Variants in TP73 observed in about 807,000 individuals in gnomAD.
The protein encoded by TP73 is tumor protein p73, also known as p53-like transcription factor.
A neutral mutation model predicts 62.5 loss-of-function variants in TP73; 25 were observed. The ratio of observed to expected loss-of-function variants is 0.40; its 90% CI spans 0.29 to 0.56. The LOEUF (loss-of-function observed/expected upper bound fraction) is 0.56, where lower values mean the gene tolerates loss of function less well. Among genes scored for constraint, TP73 ranks in the 20% least tolerant of loss-of-function variants. TP73 has a pLI of 0.46. For missense variants in TP73, 754 were observed against 913.3 expected, an observed-to-expected ratio of 0.83 and a Z score of 2.25; for synonymous variants, 423 against 377.5, an observed-to-expected ratio of 1.12 and a Z score of -1.40.
intron 1 of TP73, among the ~76,000 whole-genome samples, chr1:3,657,685 A>G (rs376900169): frequency 3.9e-5 from 6 of 152,212 alleles, no homozygotes; most frequent in Admixed American, 2.6e-4. Context: ...AACCTGGTCT[A>G]AGCCACGCCC....
intron 4 of TP73, among the ~76,000 whole-genome samples, chr1:3,711,831 TGCGCGA>T (rs1640165112): frequency 7.3e-6 from 1 of 137,758 alleles, no homozygotes; most frequent in Non-Finnish European, 1.6e-5. Context: ...CGTGTGTGTG[TGCGCGA>T]GCGTGTGTAT....
intron 3 of TP73, among the ~76,000 whole-genome samples, chr1:3,688,488 C>G (rs934406972): frequency 3.3e-5 from 5 of 152,224 alleles, no homozygotes; most frequent in African/African-American, 4.8e-5. Context: ...TCGTTCCCCC[C>G]TGTCCTGCGG....
chr1:3,716,680 C>G (rs2124449506), intron 4 of TP73, among the ~76,000 whole-genome samples: 1 of 152,296 alleles, frequency 6.6e-6, no homozygotes, highest in African/African-American at 2.4e-5. Context: ...GGGGCTGTCA[C>G]CAAGGGGGCC....
At chr1:3,652,868 G>T (rs1644785149) in intron 1 of TP73, 2 of 152,348 alleles carry the variant, frequency 1.3e-5, no homozygotes. Flanking sequence ...GCGAGGAGAC[G>T]CGGGTCCTGC....
chr1:3,723,320 T>C (rs149926186), intron 5 of TP73, 34 bp from the exon 6 acceptor site: 19,780 of 1,581,032 alleles, frequency 0.013, 171 homozygotes, highest in Non-Finnish European at 0.014. Flanking sequence ...GGCACCTCTA[T>C]GCACCTCTCT....
chr1:3,661,152 T>C (rs1454822334), intron 1 of TP73, among the ~76,000 whole-genome samples: 1 of 152,182 alleles, frequency 6.6e-6, no homozygotes, highest in Admixed American at 6.5e-5. Context: ...ATTGGCAAAA[T>C]AATCTATGTT....
chr1:3,666,413 G>C lies in TP73; in HGVS notation c.-34+13772G>C, dbSNP rs1181343259. On this transcript the variant is annotated intron_variant, in intron 1 of 13. Transcript: ENST00000378295. The surrounding 1 kb of genome is among the most constrained non-coding windows in gnomAD (Gnocchi z 6.4). ...GTGCCTGGTGCAGAGTAAGCTGTGT[G>C]TTGGTGGGGTGTAATTATGGGTCAT... 1.3e-5 allele frequency among the ~76,000 whole-genome samples: 2 copies of C among 152,230 alleles called. No individual in the cohort carries two copies. Among genetic ancestry groups the C allele is most frequent in the Non-Finnish European group, 2.9e-5 (2 of 68,038 alleles).
Position 3,736,023 on chromosome 1 carries a change from A to G in TP73, c.*2944A>G, listed in dbSNP as rs1412273958. 6.6e-6 allele frequency: 1 copy of G among 152,278 alleles called. No individual in the cohort carries two copies. The highest frequency in any genetic ancestry group is 1.5e-5 in the Non-Finnish European group (1 of 68,052). The allele number at this position is 152,278 out of a possible 1,614,324, so 9.4% of individuals were successfully genotyped here. The stretch of plus-strand genomic sequence containing the variant: ...ACTTTAATGCTTTAAGGTGAAAACG[A>G]AATCCCATCCGTGTTTTTCGTGTAA... On this transcript the variant is annotated 3_prime_UTR_variant, in exon 14 of 14. Coordinates refer to ENST00000378295, the MANE Select transcript of TP73 (RefSeq NM_005427.4).
chr1:3,706,024 T>C (rs1171003331), intron 3 of TP73, among the ~76,000 whole-genome samples: 1 of 152,084 alleles, frequency 6.6e-6, no homozygotes. Context: ...GTTTTTTGGA[T>C]TGGAGGGGGC....
At chr1:3,712,155 C>A (rs1048344791) in intron 4 of TP73, 5 of 152,210 alleles carry the variant, frequency 3.3e-5, no homozygotes, top group Admixed American at 3.3e-4. Flanking sequence ...GAATTAATAC[C>A]TTTTACTGGC....
chr1:3,683,974 A>G (rs1016226047), intron 3 of TP73, among the ~76,000 whole-genome samples: 16 of 152,224 alleles, frequency 1.1e-4, no homozygotes, highest in African/African-American at 3.4e-4. Flanking sequence ...CATTCCTGGG[A>G]GTCTCAAGCC....
intron 1 of TP73, among the ~76,000 whole-genome samples, chr1:3,664,219 T>C (rs755159): frequency 0.27 from 40,590 of 152,178 alleles, 5,685 homozygotes; most frequent in East Asian, 0.36. Flanking sequence ...CCGGCAGGGC[T>C]TCCACCCAGC....
intron 1 of TP73, among the ~76,000 whole-genome samples, chr1:3,665,199 C>G (rs1645083926): frequency 6.6e-6 from 1 of 152,090 alleles, no homozygotes; most frequent in Non-Finnish European, 1.5e-5. Context: ...GAGGCATGCT[C>G]CAACTTGCTT....
At position 3,733,077 on chromosome 1, in the gene TP73, T is replaced by C; in HGVS notation, c.1909T>C (p.Ter637ArgextTer66). The C allele has an allele frequency of 6.5e-7, 1 of 1,531,160 alleles. No homozygotes were observed. Among genetic ancestry groups the C allele is most frequent in the Non-Finnish European group, 8.8e-7 (1 of 1,142,414 alleles). The allele number at this position is 1,531,160 out of a possible 1,614,324, so 94.8% of individuals were successfully genotyped here. ...GGAGTTCACGGAGGCCGAGATCCAC[T>C]GAGGGCCTCGCCTGGCTGCAGCCTG... ...KEEFTEAEIH[*>R] Residue 637 changes from the stop codon to arginine, a stop_lost, in exon 14 of 14, where the codon TGA becomes CGA. Transcript: ENST00000378295.
In TP73 at chr1:3,730,924, C is replaced by G. The variant is rs1356429949; in HGVS notation, c.1346-3C>G. On this transcript the variant is annotated splice_polypyrimidine_tract_variant and splice_region_variant and intron_variant, in intron 11 of 13. Transcript: ENST00000378295. The stretch of plus-strand genomic sequence containing the variant: ...CTGATGGCCCCACCTGCCTCTCACC[C>G]AGGCCCCGGGATGCTCAACAACCAT... 1 of 1,599,506 alleles carries G rather than the reference C, an allele frequency of 6.3e-7. No individual in the cohort carries two copies.
chr1:3,688,461 C>T (rs181120571), intron 3 of TP73, among the ~76,000 whole-genome samples: 8 of 152,268 alleles, frequency 5.3e-5, no homozygotes, highest in Non-Finnish European at 1.0e-4. Context: ...TGAAGAGTGC[C>T]GTGGCCTGCG....
At chr1:3,668,301 T>TGGCTAG (rs1557490185) in intron 1 of TP73, among the ~76,000 whole-genome samples, 1 of 152,174 alleles carries the variant, frequency 6.6e-6, no homozygotes. Flanking sequence ...CATGAGTAGC[T>TGGCTAG]GTCACACACA....
At chr1:3,710,529 G>A (rs1640049459) in intron 4 of TP73, among the ~76,000 whole-genome samples, 1 of 152,190 alleles carries the variant, frequency 6.6e-6, no homozygotes. Flanking sequence ...GGGGCTCCCG[G>A]CACGCCAGCC....
At chr1:3,660,262 C>G (rs1354684879) in intron 1 of TP73, among the ~76,000 whole-genome samples, 1 of 152,192 alleles carries the variant, frequency 6.6e-6, no homozygotes. Flanking sequence ...GCCAAAAAAT[C>G]ACAGTCTTTC....
Sources: gnomAD v4.1 joint callset for allele counts (sites outside exome capture counted in the v4.1 genomes callset) on GRCh38, gnomAD v4.1.1 for gene constraint, Gnocchi (gnomAD v3.1) non-coding constraint, MANE v1.5 for transcripts, NCBI Gene and HGNC (gene_info 2026-07-23, HGNC 2026-07-21) for gene names.